MSRA: variants seen among roughly 807,000 people sequenced by gnomAD.
MSRA encodes the protein mitochondrial peptide methionine sulfoxide reductase.
MSRA carries 54 observed loss-of-function variants against 31.3 expected under a neutral mutation model. That is an observed-to-expected ratio of 1.73 (90% CI 1.39 to 2.17). MSRA has a LOEUF of 2.17. Ranked by LOEUF, MSRA falls within the 30% of genes most tolerant of loss-of-function variation. MSRA has a pLI of 0.00. For missense variants in MSRA, 507 were observed against 300.9 expected (o/e 1.69, Z -5.07); for synonymous variants, 169 against 116.5 (o/e 1.45, Z -2.90).
intron 2 of MSRA, among the ~76,000 whole-genome samples, chr8:10,236,657 G>C (rs1181294051): frequency 6.6e-6 from 1 of 152,154 alleles, no homozygotes; most frequent in African/African-American, 2.4e-5. Flanking sequence ...CGATTCTCCT[G>C]CCTCAGCCTC....
rs560808214 is a variant in MSRA, at chr8:10,196,542, A to T, written c.143-11291A>T. ...TTGAAGGACAGTACCTTTTCTAAAA[A>T]ATGTATTTATTTATTTTTATTTTTT... On this transcript the variant is annotated intron_variant, in intron 1 of 5. Transcript: ENST00000317173. Among the ~76,000 whole-genome samples, 42 of 152,014 alleles carry T rather than the reference A, an allele frequency of 2.8e-4. No individual in the cohort carries two copies. In the South Asian group the frequency reaches 6.7e-3, roughly 24 times the overall value.
intron 3 of MSRA, among the ~76,000 whole-genome samples, chr8:10,281,076 G>A (rs1385089714): frequency 6.6e-6 from 1 of 152,148 alleles, no homozygotes; most frequent in Non-Finnish European, 1.5e-5. Context: ...TTTTAAAATT[G>A]ATTGTGGTAA....
chr8:10,300,920 A>C (rs1022529434), intron 3 of MSRA, among the ~76,000 whole-genome samples: 1 of 152,156 alleles, frequency 6.6e-6, no homozygotes, highest in African/African-American at 2.4e-5. Flanking sequence ...GCAAGTAGAC[A>C]TATGTCACCA....
chr8:10,250,342 A>C (rs1797850132), intron 3 of MSRA: 1 of 688,420 alleles, frequency 1.5e-6, no homozygotes, highest in African/African-American at 1.8e-5. Flanking sequence ...GCATTAGCCT[A>C]ATATACAAAT....
intron 5 of MSRA, among the ~76,000 whole-genome samples, chr8:10,389,367 A>G (rs1383188190): frequency 2.0e-5 from 3 of 152,244 alleles, no homozygotes; most frequent in Non-Finnish European, 2.9e-5. Context: ...CTGCCGTTAC[A>G]GTGTGAGGGA....
chr8:10,242,501 G>A (rs1298830629), intron 2 of MSRA, among the ~76,000 whole-genome samples: 1 of 152,130 alleles, frequency 6.6e-6, no homozygotes, highest in Admixed American at 6.5e-5. Flanking sequence ...GACCCAGGTG[G>A]TGGTTGTAAG....
At chr8:10,395,163 G>A (rs573807092) in intron 5 of MSRA, among the ~76,000 whole-genome samples, 1 of 152,160 alleles carries the variant, frequency 6.6e-6, no homozygotes, top group African/African-American at 2.4e-5. Context: ...TGGTGGCCGG[G>A]GGGAAGACTT....
At chr8:10,184,810 G>C (rs894917501) in intron 1 of MSRA, among the ~76,000 whole-genome samples, 3 of 152,186 alleles carry the variant, frequency 2.0e-5, no homozygotes, top group Non-Finnish European at 4.4e-5. Context: ...ACAACTGTAT[G>C]CAACCAGGAT....
chr8:10,355,056 T>G (rs1247192793), intron 5 of MSRA, among the ~76,000 whole-genome samples: 1 of 152,200 alleles, frequency 6.6e-6, no homozygotes, highest in Non-Finnish European at 1.5e-5. Context: ...ATAATGTATT[T>G]TCTTCACTGG....
intron 1 of MSRA, among the ~76,000 whole-genome samples, chr8:10,137,535 T>C (rs1324158801): frequency 6.6e-6 from 1 of 152,246 alleles, no homozygotes; most frequent in Non-Finnish European, 1.5e-5. Flanking sequence ...AGGGCTTCTA[T>C]AACAAACGAA....
At chr8:10,301,902 G>A (rs575430200) in intron 4 of MSRA, among the ~76,000 whole-genome samples, 1 of 152,138 alleles carries the variant, frequency 6.6e-6, no homozygotes, top group African/African-American at 2.4e-5. Context: ...AGACAATAGC[G>A]ATCCGTTCAC....
chr8:10,245,078 T>C, intron 2 of MSRA, 26 bp from the exon 3 acceptor site: 1 of 1,593,056 alleles, frequency 6.3e-7, no homozygotes, highest in Non-Finnish European at 8.6e-7. Context: ...ATCAGTATCC[T>C]TTTTTTTTCT....
At chr8:10,210,352 C>G (rs1208404492) in intron 2 of MSRA, among the ~76,000 whole-genome samples, 1 of 152,210 alleles carries the variant, frequency 6.6e-6, no homozygotes, top group East Asian at 1.9e-4. Context: ...CTGACTCTCT[C>G]TGCACTGGTT....
At chr8:10,425,522 T>A (rs945046447) in intron 5 of MSRA, among the ~76,000 whole-genome samples, 2 of 152,222 alleles carry the variant, frequency 1.3e-5, no homozygotes, top group Non-Finnish European at 2.9e-5. Context: ...TCAGAGAATC[T>A]TCTGGAGACC....
intron 1 of MSRA, among the ~76,000 whole-genome samples, chr8:10,125,573 C>G (rs1414721731): frequency 6.6e-6 from 1 of 152,144 alleles, no homozygotes; most frequent in Non-Finnish European, 1.5e-5. Context: ...GGGGGCCAGG[C>G]TCCTGAACCG....
At chr8:10,227,267 G>A (rs1585216684) in intron 2 of MSRA, among the ~76,000 whole-genome samples, 1 of 152,144 alleles carries the variant, frequency 6.6e-6, no homozygotes, top group Non-Finnish European at 1.5e-5. Context: ...AGGAAGAGGG[G>A]CTAAATTTGT....
At chr8:10,383,076 C>A (rs1806173046) in intron 5 of MSRA, among the ~76,000 whole-genome samples, 1 of 152,222 alleles carries the variant, frequency 6.6e-6, no homozygotes, top group Non-Finnish European at 1.5e-5. Flanking sequence ...TGTTCACCCA[C>A]CTGACCCTTG....
intron 1 of MSRA, among the ~76,000 whole-genome samples, chr8:10,106,572 C>A (rs1799897610): frequency 1.3e-5 from 2 of 152,192 alleles, no homozygotes; most frequent in South Asian, 4.1e-4. Context: ...GACACACACA[C>A]CACACACGTT....
intron 1 of MSRA, among the ~76,000 whole-genome samples, chr8:10,125,565 G>A (rs1166455111): frequency 6.6e-6 from 1 of 152,122 alleles, no homozygotes; most frequent in Non-Finnish European, 1.5e-5. Flanking sequence ...AGAACATTGG[G>A]GGCCAGGCTC....
Sources: allele counts gnomAD v4.1 joint callset (sites outside exome capture counted in the v4.1 genomes callset), GRCh38; gene constraint gnomAD v4.1.1; transcripts MANE v1.5; gene names NCBI Gene and HGNC (gene_info 2026-07-23, HGNC 2026-07-21).